TTC17: variants seen among roughly 807,000 people sequenced by gnomAD.
TTC17 encodes the protein tetratricopeptide repeat domain 17.
A neutral mutation model predicts 143.8 loss-of-function variants in TTC17; 58 were observed. That is an observed-to-expected ratio of 0.40 (90% confidence interval 0.33 to 0.50). TTC17 has a LOEUF of 0.50. Ranked by LOEUF, TTC17 falls within the 20% of genes least tolerant of loss-of-function variation. The pLI is 0.49. For missense variants in TTC17, 1,273 were observed against 1,392.5 expected (o/e 0.91, Z 1.37); for synonymous variants, 501 against 497.8 (o/e 1.01, Z -0.09).
intron 16 of TTC17, chr11:43,436,358 T>C: frequency 1.6e-6 from 2 of 1,245,406 alleles, no homozygotes; most frequent in Non-Finnish European, 2.0e-6. Context: ...ACCTGAGCTG[T>C]GCTTCTGGGG....
chr11:43,461,316 G>A (rs1013380170), intron 21 of TTC17, among the ~76,000 whole-genome samples: 2 of 150,258 alleles, frequency 1.3e-5, no homozygotes, highest in Admixed American at 6.7e-5. Flanking sequence ...CCCGGGAAGC[G>A]GAGCTTGCAG....
intron 16 of TTC17, among the ~76,000 whole-genome samples, chr11:43,431,253 A>G (rs370647396): frequency 4.0e-4 from 61 of 152,308 alleles, no homozygotes; most frequent in African/African-American, 1.3e-3. Context: ...GTGTCTTTAT[A>G]GTAGAATGAT....
At chr11:43,450,060 T>C in intron 19 of TTC17, 22 bp from the exon 20 acceptor site, 1 of 1,606,970 alleles carries the variant, frequency 6.2e-7, no homozygotes. Flanking sequence ...CCATAGCTAA[T>C]GTGGTAATCT....
chr11:43,469,756 T>C (rs1285927364), intron 21 of TTC17, among the ~76,000 whole-genome samples: 1 of 152,234 alleles, frequency 6.6e-6, no homozygotes, highest in Non-Finnish European at 1.5e-5. Flanking sequence ...TCTGTGTCTT[T>C]GTTACTTAAT....
chr11:43,467,295 G>A (rs549858338), intron 21 of TTC17, among the ~76,000 whole-genome samples: 1 of 152,194 alleles, frequency 6.6e-6, no homozygotes, highest in African/African-American at 2.4e-5. Flanking sequence ...ACAGATGAAT[G>A]GATAAACAAA....
intron 1 of TTC17, among the ~76,000 whole-genome samples, chr11:43,376,674 A>G (rs1856774665): frequency 1.3e-5 from 2 of 152,212 alleles, no homozygotes; most frequent in Admixed American, 1.3e-4. Flanking sequence ...CACGTTGTAT[A>G]TGACACAGGA....
chr11:43,413,050 A>G (rs555777376), intron 15 of TTC17, among the ~76,000 whole-genome samples: 15 of 151,292 alleles, frequency 9.9e-5, no homozygotes, highest in Non-Finnish European at 1.8e-4. Context: ...GGTGATGGGG[A>G]GGAACAGAGT....
At chr11:43,388,823 AAAATT>A (rs1414673961) in intron 2 of TTC17, among the ~76,000 whole-genome samples, 1 of 151,828 alleles carries the variant, frequency 6.6e-6, no homozygotes, top group Non-Finnish European at 1.5e-5. Context: ...AAAAAAAAAA[AAAATT>A]AGCCAGACAT....
chr11:43,401,568 T>G lies in TTC17; in HGVS notation c.1332+10T>G, dbSNP rs770889286. ...TGTGGACTATGTTCAGGTCTTTTTC[T>G]TGGTCCAGTCTAATTCTTATAAACG... is the stretch of plus-strand genomic sequence containing the variant. On this transcript the variant is annotated intron_variant, in intron 10 of 23. Transcript: ENST00000039989. 6.4e-7 allele frequency: 1 copy of G among 1,574,440 alleles called. No homozygotes were observed.
intron 16 of TTC17, 42 bp downstream of exon 16, chr11:43,414,818 A>C (rs1307349158): frequency 6.3e-7 from 1 of 1,583,776 alleles, no homozygotes; most frequent in Non-Finnish European, 8.6e-7. Flanking sequence ...GAGCTCAGCC[A>C]GAGTTCCTCT....
chr11:43,457,983 C>T (rs923529270), intron 21 of TTC17, among the ~76,000 whole-genome samples: 1 of 151,904 alleles, frequency 6.6e-6, no homozygotes, highest in Non-Finnish European at 1.5e-5. Flanking sequence ...AGAATAGGTA[C>T]AATGAAAAGC....
At chr11:43,449,707 A>G (rs1233548165) in intron 19 of TTC17, 1 of 161,698 alleles carries the variant, frequency 6.2e-6, no homozygotes, top group Non-Finnish European at 1.3e-5. Flanking sequence ...ATGATAGTCT[A>G]TAATAGTAAG....
intron 21 of TTC17, chr11:43,486,445 C>G (rs1948382930): frequency 2.2e-6 from 1 of 452,520 alleles, no homozygotes; most frequent in Non-Finnish European, 4.5e-6. Context: ...GAATGTATCC[C>G]TATCAGGTAG....
intron 1 of TTC17, among the ~76,000 whole-genome samples, chr11:43,366,067 G>C (rs1009857830): frequency 6.7e-6 from 1 of 150,018 alleles, no homozygotes; most frequent in East Asian, 2.0e-4. Flanking sequence ...TACAACCTCC[G>C]CCTCCCAGGT....
At chr11:43,377,628 C>G (rs1026715298) in intron 1 of TTC17, among the ~76,000 whole-genome samples, 5 of 151,082 alleles carry the variant, frequency 3.3e-5, no homozygotes, top group Non-Finnish European at 7.4e-5. Context: ...TCCCTTCCTT[C>G]TGCTAATAAT....
intron 21 of TTC17, among the ~76,000 whole-genome samples, chr11:43,478,204 A>G (rs182463161): frequency 1.4e-4 from 22 of 152,310 alleles, no homozygotes; most frequent in Middle Eastern, 6.9e-3. Context: ...ATTTGTAAAG[A>G]AAAAACTAAT....
In TTC17 at chr11:43,435,115, A is replaced by ATAGATAGATAGAT. The variant is rs1437195600; in HGVS notation, c.2252-8209_2252-8197dup. On this transcript the variant is annotated intron_variant, in intron 16 of 23. Coordinates refer to ENST00000039989, the MANE Select transcript of TTC17 (RefSeq NM_018259.6). ...GATAGATAGATAGATAGATAGATAG[A>ATAGATAGATAGAT]TAGATAGATAGATAGATCGGTCTAT... The ATAGATAGATAGAT allele has an allele frequency of 6.6e-5, 10 of 152,204 alleles. 1 individual carries two copies. In the South Asian group the frequency reaches 1.2e-3, roughly 19 times the overall value. 9.4% of individuals were successfully genotyped at this position (152,204 alleles called of 1,614,324 possible). A position where few individuals can be genotyped will look rare whatever the true frequency, so the allele number is the denominator to read the frequency against.
chr11:43,408,035 C>G (rs986583534), intron 15 of TTC17, among the ~76,000 whole-genome samples: 2 of 152,070 alleles, frequency 1.3e-5, no homozygotes, highest in African/African-American at 4.8e-5. Flanking sequence ...ATTTTCATGC[C>G]CCAAACCTCT....
chr11:43,406,909 G>A (rs553806332), intron 13 of TTC17, among the ~76,000 whole-genome samples: 37 of 152,314 alleles, frequency 2.4e-4, no homozygotes, highest in Non-Finnish European at 4.9e-4. Flanking sequence ...ACTTTAATGT[G>A]TGGGGGTATA....
Sources: gnomAD v4.1 joint callset for allele counts (sites outside exome capture counted in the v4.1 genomes callset) on GRCh38, gnomAD v4.1.1 for gene constraint, MANE v1.5 for transcripts, NCBI Gene and HGNC (gene_info 2026-07-23, HGNC 2026-07-21) for gene names.